The following STYX variants were observed in gnomAD, a reference collection of about 807,000 sequenced individuals.
The protein encoded by STYX is serine/threonine/tyrosine interacting protein.
Under a neutral mutation model 42.7 loss-of-function variants are expected in STYX, and 20 were observed. The observed-to-expected ratio is 0.47, with a 90% confidence interval of 0.33 to 0.68. STYX has a LOEUF of 0.68. Among genes scored for constraint, STYX ranks in the 30% least tolerant of loss-of-function variants. The pLI is 0.02. For synonymous variants in STYX, 78 were observed against 81.9 expected (o/e 0.95, Z 0.26); for missense variants, 226 against 268.5 (o/e 0.84, Z 1.11).
rs1882536941 is a variant in STYX at position 52,772,228 on chromosome 14, ACT to A, written c.*1125_*1126del. The A allele has an allele frequency of 6.6e-6, 1 of 151,992 alleles. No individual in the cohort carries two copies. Among genetic ancestry groups the A allele is most frequent in the African/African-American group, 2.4e-5 (1 of 41,400 alleles). The allele number at this position is 151,992 out of a possible 1,614,324, so 9.4% of individuals were successfully genotyped here. On this transcript the variant is annotated 3_prime_UTR_variant, in exon 11 of 11. Coordinates refer to ENST00000354586, the MANE Select transcript of STYX (RefSeq NM_145251.4). Reference sequence around the variant, plus strand: ...AAATTATTTGGAATATAGAATGTTTACTCTTTCTTTTTATGTTGTCTTAATGA... The same window carrying A: ...AAATTATTTGGAATATAGAATGTTTACTTTCTTTTTATGTTGTCTTAATGA...
At position 52,771,130 on chromosome 14, in the gene STYX, G is replaced by A. The variant is rs202054618; in HGVS notation, c.*24G>A. The A allele has an allele frequency of 1.3e-6, 2 of 1,569,278 alleles. No homozygotes were observed. The highest frequency in any genetic ancestry group is 8.7e-7 in the Non-Finnish European group (1 of 1,154,516). On this transcript the variant is annotated 3_prime_UTR_variant, in exon 11 of 11. Transcript: ENST00000354586. ...GACTTGAAGAGCAACATCATAGAGTGTGAATTTCTATTTGGGAAGGAGAAA... is the reference window on the plus strand; with the variant it reads ...GACTTGAAGAGCAACATCATAGAGTATGAATTTCTATTTGGGAAGGAGAAA...
rs371367474 is a variant in STYX, at chr14:52,774,973, C to T, written c.*3867C>T. On this transcript the variant is annotated 3_prime_UTR_variant, in exon 11 of 11. Coordinates refer to ENST00000354586, the MANE Select transcript of STYX (RefSeq NM_145251.4). ...TGGTGGTTGTATTAAAACTGCTGTGCCATTATACCTCCAAAATATTGAAAA... is the reference window on the plus strand; with the variant it reads ...TGGTGGTTGTATTAAAACTGCTGTGTCATTATACCTCCAAAATATTGAAAA... The T allele has an allele frequency of 6.6e-6, 1 of 152,070 alleles. No individual in the cohort carries two copies. Among genetic ancestry groups the T allele is most frequent in the African/African-American group, 2.4e-5 (1 of 41,398 alleles). 9.4% of individuals were successfully genotyped at this position (152,070 alleles called of 1,614,324 possible).
At chr14:52,737,255 C>T (rs1880992718) in intron 1 of STYX, among the ~76,000 whole-genome samples, 1 of 152,078 alleles carries the variant, frequency 6.6e-6, no homozygotes, top group South Asian at 2.1e-4. Flanking sequence ...AGTCTATATC[C>T]TTCATTGATG....
intron 1 of STYX, among the ~76,000 whole-genome samples, chr14:52,733,448 G>A (rs1210614358): frequency 6.6e-6 from 1 of 152,034 alleles, no homozygotes; most frequent in Non-Finnish European, 1.5e-5. Context: ...TGTACCTGAA[G>A]TTAGTCAGAT....
Position 52,758,401 on chromosome 14 carries a change from A to G in STYX, c.431+477A>G, listed in dbSNP as rs146024456. ...GAGCTTCTTGCCCCAAGACAAAGCAAAAGCCTGGCCAGTGTACAGTATTTC... is the reference window on the plus strand; with the variant it reads ...GAGCTTCTTGCCCCAAGACAAAGCAGAAGCCTGGCCAGTGTACAGTATTTC... On this transcript the variant is annotated intron_variant, in intron 8 of 10. Coordinates refer to ENST00000354586, the MANE Select transcript of STYX (RefSeq NM_145251.4). 4.6e-5 allele frequency among the ~76,000 whole-genome samples: 7 copies of G among 152,276 alleles called. No homozygotes were observed. The East Asian group carries it at 1.3e-3, about 29-fold the overall frequency.
At chr14:52,751,767 A>G (rs1054750535) in intron 4 of STYX, among the ~76,000 whole-genome samples, 2 of 152,262 alleles carry the variant, frequency 1.3e-5, no homozygotes, top group African/African-American at 4.8e-5. Flanking sequence ...ATGTAAACAT[A>G]TATAATGAAA....
At chr14:52,752,253 G>A (rs1277233085) in intron 4 of STYX, among the ~76,000 whole-genome samples, 1 of 151,594 alleles carries the variant, frequency 6.6e-6, no homozygotes, top group Non-Finnish European at 1.5e-5. Flanking sequence ...TGGATCACGA[G>A]GTCGAGATTG....
chr14:52,749,550 T>C (rs1230202194), intron 3 of STYX, among the ~76,000 whole-genome samples: 1 of 152,176 alleles, frequency 6.6e-6, no homozygotes, highest in Non-Finnish European at 1.5e-5. Flanking sequence ...ACTTAACTAG[T>C]TATACATACT....
intron 1 of STYX, among the ~76,000 whole-genome samples, chr14:52,735,826 A>G (rs1880925218): frequency 6.6e-6 from 1 of 152,230 alleles, no homozygotes; most frequent in Non-Finnish European, 1.5e-5. Context: ...TATTACTTTC[A>G]CGTTTCTTGA....
intron 3 of STYX, among the ~76,000 whole-genome samples, chr14:52,748,384 A>T (rs1477491015): frequency 2.0e-5 from 3 of 152,128 alleles, no homozygotes; most frequent in Non-Finnish European, 4.4e-5. Context: ...ACACACCACC[A>T]TGCCTGGCTT....
intron 9 of STYX, among the ~76,000 whole-genome samples, chr14:52,768,479 C>T (rs1293141137): frequency 2.6e-5 from 4 of 152,048 alleles, no homozygotes; most frequent in Non-Finnish European, 5.9e-5. Context: ...ACAAAAATGC[C>T]TTTATTCTTC....
chr14:52,738,816 G>C (rs1325225279), intron 1 of STYX, among the ~76,000 whole-genome samples: 3 of 152,142 alleles, frequency 2.0e-5, no homozygotes, highest in Non-Finnish European at 2.9e-5. Context: ...CTGGAGAGGA[G>C]AGTAAAAGTC....
intron 10 of STYX, among the ~76,000 whole-genome samples, chr14:52,769,599 A>C (rs1479422589): frequency 6.6e-6 from 1 of 152,158 alleles, no homozygotes; most frequent in Non-Finnish European, 1.5e-5. Flanking sequence ...ATAGTGAGTA[A>C]TATGACTGTA....
At chr14:52,753,296 C>T (rs1881705348) in intron 4 of STYX, among the ~76,000 whole-genome samples, 2 of 151,980 alleles carry the variant, frequency 1.3e-5, no homozygotes, top group African/African-American at 4.8e-5. Flanking sequence ...CTTGATCCAC[C>T]TGCCTCAGCC....
At chr14:52,736,721 G>T (rs7146028) in intron 1 of STYX, among the ~76,000 whole-genome samples, 1 of 151,874 alleles carries the variant, frequency 6.6e-6, no homozygotes, top group Non-Finnish European at 1.5e-5. Context: ...ATACTGATGC[G>T]TGGACCCTAC....
chr14:52,767,780 C>A (rs1056740620), intron 9 of STYX, among the ~76,000 whole-genome samples: 2 of 152,228 alleles, frequency 1.3e-5, no homozygotes, highest in Non-Finnish European at 1.5e-5. Context: ...GGAATCCTTA[C>A]CCATGCCAAT....
rs1411598575 is a variant in STYX, at chr14:52,771,801, A to G, written c.*695A>G. ...TTCCTAATTTTTCTATATTTTAAAA[A>G]CTACAGTTTCCATGATAAAAGGAAA... On this transcript the variant is annotated 3_prime_UTR_variant, in exon 11 of 11. Transcript: ENST00000354586. The G allele has an allele frequency of 6.6e-6, 1 of 152,474 alleles. No individual in the cohort carries two copies. Among genetic ancestry groups the G allele is most frequent in the African/African-American group, 2.4e-5 (1 of 41,432 alleles). 9.4% of individuals were successfully genotyped at this position (152,474 alleles called of 1,614,324 possible). A position where few individuals can be genotyped will look rare whatever the true frequency, so the allele number is the denominator to read the frequency against.
At chr14:52,746,380 G>A (rs1279849915) in intron 2 of STYX, 46 bp from the exon 3 acceptor site, 3 of 1,448,602 alleles carry the variant, frequency 2.1e-6, no homozygotes, top group Non-Finnish European at 2.8e-6. Flanking sequence ...TAGCCTTATA[G>A]ATTTAAATTG....
In STYX at chr14:52,756,751, A is replaced by G. The variant is rs372686290; in HGVS notation, c.303+140A>G. ...TGCCCAGGCTGGAGTGCAATGGCGCAATCTTGGCTCACCACAACCTCTGCT... is the reference window on the plus strand; with the variant it reads ...TGCCCAGGCTGGAGTGCAATGGCGCGATCTTGGCTCACCACAACCTCTGCT... On this transcript the variant is annotated intron_variant, in intron 5 of 10. Coordinates refer to ENST00000354586, the MANE Select transcript of STYX (RefSeq NM_145251.4). 2.4e-4 allele frequency: 104 copies of G among 436,472 alleles called. 1 individual carries two copies. Among genetic ancestry groups the G allele is most frequent in the African/African-American group, 1.6e-3 (67 of 41,326 alleles). 27.0% of individuals were successfully genotyped at this position (436,472 alleles called of 1,614,324 possible).
Sources: gnomAD v4.1 joint callset for allele counts (sites outside exome capture counted in the v4.1 genomes callset) on GRCh38, gnomAD v4.1.1 for gene constraint, MANE v1.5 for transcripts, NCBI Gene and HGNC (gene_info 2026-07-23, HGNC 2026-07-21) for gene names.